Variants in CAMK2G observed in about 807,000 individuals in gnomAD.
CAMK2G encodes the protein calcium/calmodulin-dependent protein kinase type II subunit gamma.
A neutral mutation model predicts 88.7 loss-of-function variants in CAMK2G; 23 were observed. That is an observed-to-expected ratio of 0.26 (90% confidence interval 0.19 to 0.37). The LOEUF (loss-of-function observed/expected upper bound fraction) is 0.37, where lower values mean the gene tolerates loss of function less well. Among genes scored for constraint, CAMK2G ranks in the 10% least tolerant of loss-of-function variants. CAMK2G has a pLI of 1.00. For missense variants in CAMK2G, 476 were observed against 780.8 expected (o/e 0.61, Z 4.65); for synonymous variants, 263 against 294.8 (o/e 0.89, Z 1.11).
In CAMK2G at chr10:73,849,002, A is replaced by T; in HGVS notation, c.517+11T>A. On this transcript the variant is annotated intron_variant, in intron 7 of 22. Coordinates refer to ENST00000423381, the MANE Select transcript of CAMK2G (RefSeq NM_001367534.1). Reference sequence around the variant, plus strand: ...GGGGGCTGCATTCCGGGAAGACAGGATCACCCTTACCAAACCAAGCCTGCT... The same window carrying T: ...GGGGGCTGCATTCCGGGAAGACAGGTTCACCCTTACCAAACCAAGCCTGCT... 6.5e-7 allele frequency: 1 copy of T among 1,549,576 alleles called. No individual in the cohort carries two copies. The highest frequency in any genetic ancestry group is 8.9e-7 in the Non-Finnish European group (1 of 1,121,086).
At chr10:73,845,126 T>C (rs561961333) in intron 10 of CAMK2G, among the ~76,000 whole-genome samples, 4 of 152,202 alleles carry the variant, frequency 2.6e-5, no homozygotes, top group Non-Finnish European at 4.4e-5. Context: ...ATCTACAGCA[T>C]AGGAAGAGGC....
intron 10 of CAMK2G, among the ~76,000 whole-genome samples, chr10:73,843,003 A>G (rs2093928230): frequency 6.6e-6 from 1 of 152,098 alleles, no homozygotes. Context: ...CAAGGTCCTG[A>G]ATGAAGCCAT....
In CAMK2G at chr10:73,853,710, T is replaced by A. The variant is rs187919253; in HGVS notation, c.221-464A>T. ...GGGGAAGAAGGTGGAAAGGCAGAGC[T>A]CAGCAGGAAGGCACGTGGTGCAGGA... On this transcript the variant is annotated intron_variant, in intron 3 of 22. Transcript: ENST00000423381. 1.6e-4 allele frequency among the ~76,000 whole-genome samples: 24 copies of A among 152,238 alleles called. No homozygotes were observed. In the East Asian group the frequency reaches 4.6e-3, roughly 29 times the overall value.
At chr10:73,825,741 C>A (rs374288511) in intron 15 of CAMK2G, among the ~76,000 whole-genome samples, 5 of 152,238 alleles carry the variant, frequency 3.3e-5, no homozygotes, top group African/African-American at 9.6e-5. Context: ...CTCTGGTCCC[C>A]TATCTGTGGG....
intron 1 of CAMK2G, chr10:73,873,471 G>A (rs924316135): frequency 9.5e-7 from 1 of 1,051,706 alleles, no homozygotes; most frequent in African/African-American, 1.7e-5. Context: ...CCTTCTCTCA[G>A]CAGGAACAGT....
At chr10:73,849,198 A>G in intron 6 of CAMK2G, 63 bp downstream of exon 6, 3 of 1,560,584 alleles carry the variant, frequency 1.9e-6, no homozygotes, top group Non-Finnish European at 2.7e-6. Context: ...CAGTACCACT[A>G]TCTGGCACCA....
chr10:73,860,960 T>C lies in CAMK2G; in HGVS notation c.161-71A>G. The stretch of plus-strand genomic sequence containing the variant: ...CCTTGTGGTCACCTTGTTATTCATA[T>C]TCCTTCAGTTCAGGTACTAACTATG... On this transcript the variant is annotated intron_variant, in intron 2 of 22. Transcript: ENST00000423381. The C allele has an allele frequency of 3.8e-6, 4 of 1,057,002 alleles. No individual in the cohort carries two copies. In the South Asian group the frequency reaches 5.0e-5, roughly 13 times the overall value. The allele number at this position is 1,057,002 out of a possible 1,614,324, so 65.5% of individuals were successfully genotyped here. A position where few individuals can be genotyped will look rare whatever the true frequency, so the allele number is the denominator to read the frequency against.
intron 15 of CAMK2G, among the ~76,000 whole-genome samples, chr10:73,826,181 T>C (rs934351357): frequency 9.2e-5 from 14 of 151,992 alleles, no homozygotes; most frequent in Non-Finnish European, 1.9e-4. Flanking sequence ...ACCTGTAATC[T>C]CAGCACTTTG....
intron 17 of CAMK2G, among the ~76,000 whole-genome samples, chr10:73,822,442 A>G (rs1486786833): frequency 6.6e-6 from 1 of 152,168 alleles, no homozygotes; most frequent in Admixed American, 6.5e-5. Flanking sequence ...TGCAGGGATT[A>G]CGGGCGTGAG....
intron 13 of CAMK2G, among the ~76,000 whole-genome samples, chr10:73,838,255 G>A (rs1433914959): frequency 6.6e-6 from 1 of 152,242 alleles, no homozygotes; most frequent in East Asian, 1.9e-4. Flanking sequence ...CAGGAAGGTA[G>A]CAGACAGTGG....
intron 4 of CAMK2G, 55 bp from the exon 5 acceptor site, chr10:73,852,374 C>T (rs1294103367): frequency 1.4e-6 from 2 of 1,428,282 alleles, no homozygotes; most frequent in African/African-American, 2.8e-5. Context: ...TTGTCCAACC[C>T]CAATGTCCAA....
chr10:73,820,488 A>ATTT lies in CAMK2G; in HGVS notation c.1250-844_1250-843insAAA, dbSNP rs1285081250. 1.9e-3 allele frequency among the ~76,000 whole-genome samples: 89 copies of ATTT among 46,522 alleles called. 1 individual carries two copies. Among genetic ancestry groups the ATTT allele is most frequent in the Non-Finnish European group, 2.7e-3 (71 of 26,060 alleles). 30.5% of individuals were successfully genotyped at this position (46,522 alleles called of 152,430 possible). On this transcript the variant is annotated intron_variant, in intron 18 of 22. Coordinates refer to ENST00000423381, the MANE Select transcript of CAMK2G (RefSeq NM_001367534.1). ...TTTATATATATATATATATATATATATATATTTTTTTTTTTTTTTTTTTCT... is the reference window on the plus strand; with the variant it reads ...TTTATATATATATATATATATATATATTTTATATTTTTTTTTTTTTTTTTTTCT...
chr10:73,856,297 A>G (rs2135335006), intron 3 of CAMK2G, among the ~76,000 whole-genome samples: 1 of 152,326 alleles, frequency 6.6e-6, no homozygotes, highest in East Asian at 1.9e-4. Flanking sequence ...CGGGACTTGA[A>G]GCCAAGACAA....
At chr10:73,853,117 T>TA in intron 4 of CAMK2G, 75 bp downstream of exon 4, 2 of 1,384,124 alleles carry the variant, frequency 1.4e-6, no homozygotes, top group Non-Finnish European at 2.1e-6. Flanking sequence ...AGAGCCTGTT[T>TA]AGGCCTCTTC....
At position 73,859,510 on chromosome 10, in the gene CAMK2G, T is replaced by G. The variant is rs137865794; in HGVS notation, c.220+1320A>C. Among the ~76,000 whole-genome samples the G allele has an allele frequency of 3.7e-3, 564 of 152,336 alleles. 3 individuals carry two copies. The highest frequency in any genetic ancestry group is 0.021 in the Middle Eastern group (6 of 292). ...TAGGTGTTTCCCTCTGTGGGCCCTC[T>G]CCTACCAAAGGCAACATGTCAGTCC... is the stretch of plus-strand genomic sequence containing the variant. On this transcript the variant is annotated intron_variant, in intron 3 of 22. Coordinates refer to ENST00000423381, the MANE Select transcript of CAMK2G (RefSeq NM_001367534.1).
intron 1 of CAMK2G, 175 bp from the exon 2 acceptor site, chr10:73,873,258 C>T: frequency 9.0e-7 from 1 of 1,114,332 alleles, no homozygotes; most frequent in Admixed American, 2.3e-5. Context: ...AAGGACGCGG[C>T]CACCGCAGGA....
In CAMK2G at chr10:73,820,488, ATATATT is replaced by A. The variant is rs1401935258; in HGVS notation, c.1250-849_1250-844del. Among the ~76,000 whole-genome samples the A allele has an allele frequency of 2.9e-3, 137 of 46,506 alleles. 1 individual carries two copies. Among genetic ancestry groups the A allele is most frequent in the Non-Finnish European group, 3.5e-3 (90 of 26,044 alleles). The allele number at this position is 46,506 out of a possible 152,430, so 30.5% of individuals were successfully genotyped here. A position where few individuals can be genotyped will look rare whatever the true frequency, so the allele number is the denominator to read the frequency against. ...TTTATATATATATATATATATATATATATATTTTTTTTTTTTTTTTTTTCTTGAGAC... is the reference window on the plus strand; with the variant it reads ...TTTATATATATATATATATATATATATTTTTTTTTTTTTTTTTCTTGAGAC... On this transcript the variant is annotated intron_variant, in intron 18 of 22. Transcript: ENST00000423381.
chr10:73,858,579 A>G (rs2095210611), intron 3 of CAMK2G, among the ~76,000 whole-genome samples: 1 of 152,058 alleles, frequency 6.6e-6, no homozygotes, highest in Non-Finnish European at 1.5e-5. Context: ...CCTCGGACCA[A>G]CCTCCTTAGG....
At chr10:73,874,292 C>T in intron 1 of CAMK2G, 105 bp downstream of exon 1, 1 of 555,074 alleles carries the variant, frequency 1.8e-6, no homozygotes, top group Non-Finnish European at 2.3e-6. Flanking sequence ...GTGGGGCGGC[C>T]GAGGGGGAGC....
Sources: gnomAD v4.1 joint callset for allele counts (sites outside exome capture counted in the v4.1 genomes callset) on GRCh38, gnomAD v4.1.1 for gene constraint, MANE v1.5 for transcripts, NCBI Gene and HGNC (gene_info 2026-07-23, HGNC 2026-07-21) for gene names.